The following HMCN1 variants were observed in gnomAD, a reference collection of about 807,000 sequenced individuals.
HMCN1 encodes hemicentin 1.
HMCN1 carries 321 observed loss-of-function variants against 625.9 expected under a neutral mutation model. The observed-to-expected ratio is 0.51, with a 90% CI of 0.47 to 0.56. HMCN1 has a LOEUF of 0.56. HMCN1 is among the 20% of genes least tolerant of loss of function. The pLI, the probability that HMCN1 is intolerant of heterozygous loss-of-function variation, is 0.00. For missense variants in HMCN1, 6,588 were observed against 6,887.3 expected (o/e 0.96, Z 1.54); for synonymous variants, 2,425 against 2,417.6 (o/e 1.00, Z -0.09).
At chr1:185,953,767 T>C (rs532175745) in intron 11 of HMCN1, among the ~76,000 whole-genome samples, 1 of 151,746 alleles carries the variant, frequency 6.6e-6, no homozygotes, top group African/African-American at 2.4e-5. Context: ...CCAAATTTCA[T>C]GCGCATCCGT....
chr1:185,942,227 A>C (rs1033632129), intron 11 of HMCN1, among the ~76,000 whole-genome samples: 1 of 151,944 alleles, frequency 6.6e-6, no homozygotes, highest in African/African-American at 2.4e-5. Flanking sequence ...GAAAAAAAGG[A>C]TATGAATGAC....
chr1:185,829,352 C>T (rs374197204), intron 1 of HMCN1, among the ~76,000 whole-genome samples: 5 of 151,778 alleles, frequency 3.3e-5, no homozygotes, highest in Middle Eastern at 3.4e-3. Flanking sequence ...GGTATACATG[C>T]GCCATGGTGG....
intron 4 of HMCN1, among the ~76,000 whole-genome samples, chr1:185,877,415 T>C (rs1265838358): frequency 1.3e-5 from 2 of 150,932 alleles, no homozygotes; most frequent in East Asian, 3.9e-4. Context: ...TCTAGTTTTG[T>C]TCTTTTTGTT....
chr1:186,168,562 G>A (rs569334515), intron 100 of HMCN1, among the ~76,000 whole-genome samples: 61 of 152,006 alleles, frequency 4.0e-4, no homozygotes, highest in African/African-American at 1.4e-3. Flanking sequence ...TACACAATAA[G>A]AGACATTGGC....
chr1:185,866,658 G>A (rs940656460), intron 4 of HMCN1, among the ~76,000 whole-genome samples: 3 of 151,550 alleles, frequency 2.0e-5, no homozygotes, highest in Non-Finnish European at 4.4e-5. Context: ...CGCCCGCCTC[G>A]GCCTCCCAAA....
chr1:185,744,026 T>TCTCCCAG (rs1429279037), intron 1 of HMCN1, among the ~76,000 whole-genome samples: 1 of 144,600 alleles, frequency 6.9e-6, no homozygotes, highest in Non-Finnish European at 1.5e-5. Flanking sequence ...TCTCACTCTG[T>TCTCCCAG]CTCCCAGGCT....
chr1:186,086,532 C>A, intron 58 of HMCN1, 125 bp downstream of exon 58: 1 of 943,506 alleles, frequency 1.1e-6, no homozygotes, highest in Non-Finnish European at 1.6e-6. Context: ...CAGTAAATGC[C>A]TCTCTTTGCC....
At chr1:186,153,157 G>A (rs943451714) in intron 96 of HMCN1, among the ~76,000 whole-genome samples, 3 of 152,048 alleles carry the variant, frequency 2.0e-5, no homozygotes, top group Non-Finnish European at 2.9e-5. Flanking sequence ...TTGCATAAAC[G>A]TTTTTGTGTA....
At chr1:186,050,254 G>T (rs1169762381) in intron 42 of HMCN1, among the ~76,000 whole-genome samples, 1 of 151,820 alleles carries the variant, frequency 6.6e-6, no homozygotes, top group Admixed American at 6.6e-5. Flanking sequence ...CAATATTTGA[G>T]GTACCTGTGG....
chr1:185,904,861 G>C (rs1449159167), intron 4 of HMCN1, among the ~76,000 whole-genome samples: 1 of 151,558 alleles, frequency 6.6e-6, no homozygotes, highest in Non-Finnish European at 1.5e-5. Context: ...TCTAGATCAG[G>C]CTTCACTTAC....
chr1:185,807,595 G>T (rs1659251853), intron 1 of HMCN1, among the ~76,000 whole-genome samples: 1 of 152,028 alleles, frequency 6.6e-6, no homozygotes, highest in African/African-American at 2.4e-5. Context: ...CTGGCCAAAA[G>T]GTTTCTTCTG....
chr1:186,101,273 T>G (rs1660372190), intron 68 of HMCN1, among the ~76,000 whole-genome samples: 1 of 152,100 alleles, frequency 6.6e-6, no homozygotes, highest in Non-Finnish European at 1.5e-5. Flanking sequence ...AGGACTTGGT[T>G]GTAGACTGGG....
At position 186,017,789 on chromosome 1, in the gene HMCN1, T is replaced by C. The variant is rs144046656; in HGVS notation, c.5301-394T>C. On this transcript the variant is annotated intron_variant, in intron 33 of 106. Transcript: ENST00000271588. Reference sequence around the variant, plus strand: ...TCTAATTAATTTTTCTAATTTTTAATTTTTTTGGTACATAGTGGGTGTATA... The same window carrying C: ...TCTAATTAATTTTTCTAATTTTTAACTTTTTTGGTACATAGTGGGTGTATA... 4.0e-3 allele frequency among the ~76,000 whole-genome samples: 606 copies of C among 152,148 alleles called. 4 individuals carry two copies. The highest frequency in any genetic ancestry group is 0.014 in the African/African-American group (576 of 41,558).
intron 106 of HMCN1, among the ~76,000 whole-genome samples, chr1:186,188,900 CT>C (rs1653529400): frequency 6.6e-6 from 1 of 152,126 alleles, no homozygotes; most frequent in Admixed American, 6.5e-5. Flanking sequence ...CATTTTTTCC[CT>C]TCTTTATTAC....
At chr1:185,858,893 T>A (rs1662671517) in intron 2 of HMCN1, among the ~76,000 whole-genome samples, 1 of 152,006 alleles carries the variant, frequency 6.6e-6, no homozygotes, top group Non-Finnish European at 1.5e-5. Flanking sequence ...GAGGCTTATT[T>A]ATAAAAATGA....
chr1:186,130,873 C>G (rs1233894385), intron 85 of HMCN1, among the ~76,000 whole-genome samples, 176 bp downstream of exon 85: 1 of 152,174 alleles, frequency 6.6e-6, no homozygotes, highest in Non-Finnish European at 1.5e-5. Flanking sequence ...TTAGCCCTTT[C>G]AAATAAGTGC....
chr1:186,089,667 AT>A (rs1312003471), intron 63 of HMCN1, among the ~76,000 whole-genome samples: 9 of 151,948 alleles, frequency 5.9e-5, no homozygotes, highest in Admixed American at 1.3e-4. Flanking sequence ...AGGACTAAAC[AT>A]TTTACCAGAT....
At chr1:186,099,959 CA>C (rs969757330) in intron 68 of HMCN1, among the ~76,000 whole-genome samples, 1 of 151,890 alleles carries the variant, frequency 6.6e-6, no homozygotes, top group African/African-American at 2.4e-5. Context: ...ATTTCGTTTC[CA>C]AAAAATCCCT....
chr1:186,039,398 T>C (rs1417517137), intron 38 of HMCN1, among the ~76,000 whole-genome samples: 1 of 151,600 alleles, frequency 6.6e-6, no homozygotes, highest in African/African-American at 2.4e-5. Flanking sequence ...GGGTACACAC[T>C]TGTGTTCATG....
Sources: gnomAD v4.1 joint callset for allele counts (sites outside exome capture counted in the v4.1 genomes callset) on GRCh38, gnomAD v4.1.1 for gene constraint, MANE v1.5 for transcripts, NCBI Gene and HGNC (gene_info 2026-07-23, HGNC 2026-07-21) for gene names.